MSN: variants seen among roughly 807,000 people sequenced by gnomAD.
The protein encoded by MSN is moesin.
A neutral mutation model predicts 48.0 loss-of-function variants in MSN; 2 were observed. That is an observed-to-expected ratio of 0.04 (90% CI 0.02 to 0.13). The LOEUF (loss-of-function observed/expected upper bound fraction) is 0.13, where lower values mean the gene tolerates loss of function less well. Ranked by LOEUF, MSN falls within the 10% of genes least tolerant of loss-of-function variation. The pLI is 1.00. For missense variants in MSN, 267 were observed against 470.1 expected, an observed-to-expected ratio of 0.57 and a Z score of 3.99; for synonymous variants, 146 against 166.9, an observed-to-expected ratio of 0.87 and a Z score of 0.97.
Position 65,618,669 on chromosome X carries a change from A to G in MSN, c.-22+30057A>G, listed in dbSNP as rs1181202247. On this transcript the variant is annotated intron_variant, in intron 1 of 3. Coordinates refer to the MSN transcript ENST00000609672. ...GTCTTGACTCTTTATCCAATTTGCC[A>G]GTCTGTGTCTTTTAATTGGAGCATT... is the stretch of plus-strand genomic sequence containing the variant. Among the ~76,000 whole-genome samples, 16 of 110,825 alleles carry G rather than the reference A, an allele frequency of 1.4e-4. No homozygotes were observed. The Admixed American group carries it at 1.4e-3, about 10-fold the overall frequency.
At chrX:65,695,360 C>T (rs765672211) in intron 1 of MSN, among the ~76,000 whole-genome samples, 19 of 109,307 alleles carry the variant, frequency 1.7e-4, no homozygotes, top group South Asian at 3.9e-4. Flanking sequence ...ATTAGCCATG[C>T]GTGGTGGCAC....
chrX:65,692,541 G>A (rs1020665667), intron 1 of MSN, among the ~76,000 whole-genome samples: 1 of 112,712 alleles, frequency 8.9e-6, no homozygotes, highest in Non-Finnish European at 1.9e-5. Context: ...TTGAGGCCTT[G>A]CAGATAGTCA....
At chrX:65,714,755 C>T (rs1413120544) in intron 1 of MSN, among the ~76,000 whole-genome samples, 1 of 111,072 alleles carries the variant, frequency 9.0e-6, no homozygotes, top group Non-Finnish European at 1.9e-5. Flanking sequence ...TCTCTGGTTC[C>T]GTAGGTTGCC....
intron 1 of MSN, among the ~76,000 whole-genome samples, chrX:65,672,493 G>A (rs1224831755): frequency 1.8e-5 from 2 of 111,591 alleles, no homozygotes; most frequent in African/African-American, 6.5e-5. Context: ...TCCATTTCAT[G>A]CTTGAGAGAG....
At chrX:65,592,192 CTTTTT>C (rs1176549178) in intron 1 of MSN, among the ~76,000 whole-genome samples, 9 of 76,917 alleles carry the variant, frequency 1.2e-4, no homozygotes, top group Non-Finnish European at 1.9e-4. Context: ...CTCTTCATCC[CTTTTT>C]TTTTTTTTTT....
At chrX:65,659,598 C>A (rs1280431587) in intron 1 of MSN, among the ~76,000 whole-genome samples, 2 of 111,556 alleles carry the variant, frequency 1.8e-5, no homozygotes, top group East Asian at 2.8e-4. Flanking sequence ...AAAGCCCTGA[C>A]CAAATATTCC....
intron 1 of MSN, among the ~76,000 whole-genome samples, chrX:65,653,199 G>T (rs1035108333): frequency 9.0e-6 from 1 of 111,175 alleles, no homozygotes; most frequent in African/African-American, 3.3e-5. Flanking sequence ...GCATTATTTT[G>T]CCAACACCAC....
chrX:65,678,090 A>G (rs1252744241), intron 1 of MSN, among the ~76,000 whole-genome samples: 1 of 111,023 alleles, frequency 9.0e-6, no homozygotes, highest in Non-Finnish European at 1.9e-5. Flanking sequence ...CCTCCCTGCA[A>G]CGTCAACTTC....
At chrX:65,724,079 A>C (rs2071542867) in intron 2 of MSN, among the ~76,000 whole-genome samples, 1 of 106,642 alleles carries the variant, frequency 9.4e-6, no homozygotes, top group African/African-American at 3.4e-5. Flanking sequence ...TACTTTGCCC[A>C]ACTTCTCCTG....
rs777718355 is a variant in MSN, at chrX:65,729,515, C to G, written c.270C>G (p.Ser90=). The G allele has an allele frequency of 5.0e-6, 6 of 1,211,548 alleles. No individual in the cohort carries two copies. The highest frequency in any genetic ancestry group is 6.7e-6 in the Non-Finnish European group (6 of 895,448). ...CCAAGTTCTACCCTGAGGATGTGTC[C>G]GAGGAATTGATTCAGGACATCACTC... is the stretch of plus-strand genomic sequence containing the variant. The part of the protein sequence containing the change: ...FRAKFYPEDV[S]EELIQDITQR... The change falls in exon 4 of 13, where the codon TCC becomes TCG. Residue 90 remains serine (S), a synonymous_variant. Coordinates refer to ENST00000360270, the MANE Select transcript of MSN (RefSeq NM_002444.3).
At chrX:65,632,986 T>C (rs922222697) in intron 1 of MSN, among the ~76,000 whole-genome samples, 1 of 111,527 alleles carries the variant, frequency 9.0e-6, no homozygotes, top group African/African-American at 3.3e-5. Flanking sequence ...AAGGATAAGT[T>C]AGCTTAGCTA....
chrX:65,675,540 AC>A (rs1431029288), intron 1 of MSN, among the ~76,000 whole-genome samples: 3 of 110,752 alleles, frequency 2.7e-5, no homozygotes, highest in African/African-American at 9.9e-5. Flanking sequence ...AGATGAAGCT[AC>A]TCTTTCTAGG....
At position 65,667,821 on chromosome X, in the gene MSN, T is replaced by G. The variant is rs762712691; in HGVS notation, c.-21T>G. On this transcript the variant is annotated 5_prime_UTR_variant, in exon 1 of 13. Coordinates refer to ENST00000360270, the MANE Select transcript of MSN (RefSeq NM_002444.3). ...ACAGTCCTAGCTAAACTTCGCCAACTCCGCTGCCTTTGCCGCCACCATGCC... is the reference window on the plus strand; with the variant it reads ...ACAGTCCTAGCTAAACTTCGCCAACGCCGCTGCCTTTGCCGCCACCATGCC... 1.4e-5 allele frequency: 17 copies of G among 1,210,366 alleles called. No individual in the cohort carries two copies. The South Asian group carries it at 2.8e-4, about 20-fold the overall frequency.
chrX:65,637,089 CAA>C (rs746876937), intron 1 of MSN, among the ~76,000 whole-genome samples: 3 of 69,954 alleles, frequency 4.3e-5, no homozygotes, highest in African/African-American at 5.5e-5. Context: ...GATTCGGTCT[CAA>C]AAAAAAAAAA....
At chrX:65,625,475 T>C (rs896529980) in intron 1 of MSN, 3 of 112,516 alleles carry the variant, frequency 2.7e-5, no homozygotes, top group African/African-American at 9.7e-5. Flanking sequence ...TGCACATATG[T>C]TTATAATAAT....
chrX:65,613,813 C>T (rs930994102), intron 1 of MSN, among the ~76,000 whole-genome samples: 5 of 111,996 alleles, frequency 4.5e-5, no homozygotes, highest in Non-Finnish European at 9.4e-5. Context: ...TTCTCCCATT[C>T]TGTAGGTTGC....
intron 3 of MSN, among the ~76,000 whole-genome samples, chrX:65,729,094 T>G (rs776334835): frequency 3.6e-5 from 4 of 111,915 alleles, no homozygotes; most frequent in Non-Finnish European, 7.5e-5. Flanking sequence ...TTTATGAAGT[T>G]GGAGGAGACT....
At chrX:65,612,548 G>A (rs772084291) in intron 1 of MSN, among the ~76,000 whole-genome samples, 6 of 47,982 alleles carry the variant, frequency 1.3e-4, no homozygotes, top group South Asian at 1.8e-3. Flanking sequence ...CTGTTTCTTC[G>A]TAATGGTTTT....
intron 2 of MSN, among the ~76,000 whole-genome samples, chrX:65,723,666 A>G (rs1420687139): frequency 8.9e-6 from 1 of 111,973 alleles, no homozygotes; most frequent in Non-Finnish European, 1.9e-5. Flanking sequence ...GGAGGTCTCA[A>G]CTGGAAGCAA....
Sources: gnomAD v4.1 joint callset for allele counts (sites outside exome capture counted in the v4.1 genomes callset) on GRCh38, gnomAD v4.1.1 for gene constraint, MANE v1.5 for transcripts, NCBI Gene and HGNC (gene_info 2026-07-23, HGNC 2026-07-21) for gene names.